Variants in ZEB2 observed in about 807,000 individuals in gnomAD.
ZEB2 encodes the protein zinc finger E-box binding homeobox 2.
In ZEB2, 6 loss-of-function variants were observed where a neutral mutation model predicts 99.9. That is an observed-to-expected ratio of 0.06 (90% confidence interval 0.03 to 0.12). ZEB2 has a LOEUF of 0.12. Among genes scored for constraint, ZEB2 ranks in the 10% least tolerant of loss-of-function variants. The pLI is 1.00. For synonymous variants in ZEB2, 517 were observed against 542.5 expected (o/e 0.95, Z 0.65); for missense variants, 969 against 1,502.8 (o/e 0.64, Z 5.87).
chr2:144,467,807 CAG>C (rs970740959), intron 2 of ZEB2, among the ~76,000 whole-genome samples: 1 of 152,138 alleles, frequency 6.6e-6, no homozygotes, highest in African/African-American at 2.4e-5. Flanking sequence ...CTGAATCACT[CAG>C]AGAATTCTGA....
At chr2:144,397,923 G>A (rs1369718977) in intron 8 of ZEB2, 6 of 347,098 alleles carry the variant, frequency 1.7e-5, no homozygotes, top group Middle Eastern at 3.8e-4. Context: ...TTACAGGCAT[G>A]AGCCATCACA....
chr2:144,420,011 A>G (rs1305205458), intron 4 of ZEB2, among the ~76,000 whole-genome samples: 2 of 152,170 alleles, frequency 1.3e-5, no homozygotes, highest in Non-Finnish European at 2.9e-5. Flanking sequence ...GAAGATACTT[A>G]GTCTCCTCCA....
At chr2:144,483,692 T>C (rs1391134075) in intron 2 of ZEB2, among the ~76,000 whole-genome samples, 1 of 152,198 alleles carries the variant, frequency 6.6e-6, no homozygotes, top group Non-Finnish European at 1.5e-5. Context: ...AATCTACTTT[T>C]GGATAATTTG....
intron 2 of ZEB2, among the ~76,000 whole-genome samples, chr2:144,483,317 C>T (rs191489469): frequency 1.2e-4 from 18 of 152,262 alleles, no homozygotes; most frequent in Admixed American, 8.5e-4. Context: ...TCAGACTCCT[C>T]ATTTGTATTA....
At chr2:144,410,713 A>G (rs544817244) in intron 4 of ZEB2, among the ~76,000 whole-genome samples, 1 of 152,248 alleles carries the variant, frequency 6.6e-6, no homozygotes, top group South Asian at 2.1e-4. Context: ...CAGGTACTCT[A>G]TTATCACTGG....
chr2:144,424,354 GT>G (rs1323100413), intron 4 of ZEB2: 3 of 518,040 alleles, frequency 5.8e-6, no homozygotes, highest in South Asian at 4.2e-5. Flanking sequence ...TGAGAGAAAT[GT>G]TCGTGGAAAT....
Position 144,487,418 on chromosome 2 carries a change from CT to C in ZEB2, c.73+29859del, listed in dbSNP as rs371856023. Among the ~76,000 whole-genome samples the C allele has an allele frequency of 7.1e-4, 107 of 151,456 alleles. 1 individual carries two copies. In the East Asian group the frequency reaches 0.018, roughly 26 times the overall value. ...GTGATTGTGGTAGATTTTTGAAAAG[CT>C]TAAAAAGATTGACACTGAATATTAA... On this transcript the variant is annotated intron_variant, in intron 2 of 9. Transcript: ENST00000627532.
chr2:144,466,135 A>G (rs1429926479), intron 2 of ZEB2, among the ~76,000 whole-genome samples: 1 of 152,206 alleles, frequency 6.6e-6, no homozygotes, highest in African/African-American at 2.4e-5. Context: ...TTAATTACCA[A>G]TTGATTTCTT....
chr2:144,407,889 T>C (rs941578642), intron 4 of ZEB2, among the ~76,000 whole-genome samples: 5 of 152,270 alleles, frequency 3.3e-5, no homozygotes, highest in Non-Finnish European at 7.3e-5. Context: ...ACTATTTGAA[T>C]GATCTGGCTA....
At chr2:144,438,782 A>G (rs1573750921) in intron 2 of ZEB2, among the ~76,000 whole-genome samples, 1 of 152,278 alleles carries the variant, frequency 6.6e-6, no homozygotes, top group South Asian at 2.1e-4. Context: ...ATTCAGGTCT[A>G]TTGGGCTAAT....
At chr2:144,430,103 T>C (rs1351961230) in intron 2 of ZEB2, 77 bp from the exon 3 acceptor site, 3 of 1,571,204 alleles carry the variant, frequency 1.9e-6, no homozygotes, top group Non-Finnish European at 2.6e-6. Flanking sequence ...TTTAGTTAAA[T>C]GGAAAATAAT....
chr2:144,516,225 C>CCG (rs1560660306), intron 2 of ZEB2: 2 of 147,192 alleles, frequency 1.4e-5, no homozygotes, highest in Admixed American at 6.7e-5. Context: ...CTCCCCCACC[C>CCG]CCCCCCGGCA....
At chr2:144,397,195 A>G (rs576252215) in intron 8 of ZEB2, among the ~76,000 whole-genome samples, 3 of 152,352 alleles carry the variant, frequency 2.0e-5, no homozygotes, top group South Asian at 4.1e-4. Context: ...TCAGTAAATT[A>G]TTAAATTTCT....
Position 144,389,320 on chromosome 2 carries a change from C to G in ZEB2, c.*131G>C. On this transcript the variant is annotated 3_prime_UTR_variant, in exon 10 of 10. Transcript: ENST00000627532. The surrounding 1 kb of genome is among the most constrained non-coding windows in gnomAD (Gnocchi z 6.8). ...TCTACATCTGTCTTGGCTGAACCGC[C>G]CCTTCTGTCCCTCTCTACAGCTTCC... 2 of 1,098,360 alleles carry G rather than the reference C, an allele frequency of 1.8e-6. No homozygotes were observed. 68.0% of individuals were successfully genotyped at this position (1,098,360 alleles called of 1,614,324 possible). A position where few individuals can be genotyped will look rare whatever the true frequency, so the allele number is the denominator to read the frequency against.
chr2:144,514,062 C>T (rs1705090518), intron 2 of ZEB2: 1 of 541,218 alleles, frequency 1.8e-6, no homozygotes, highest in South Asian at 2.7e-5. Context: ...GGAAAGGAGA[C>T]TGACTGCCCG....
Position 144,390,035 on chromosome 2 carries a change from G to GA in ZEB2, c.3068-8dup. The GA allele has an allele frequency of 6.3e-7, 1 of 1,599,632 alleles. No individual in the cohort carries two copies. Among genetic ancestry groups the GA allele is most frequent in the Non-Finnish European group, 8.5e-7 (1 of 1,179,718 alleles). ...CACTGATGTGGTCTTTTTCCTGGGA[G>GA]AAAGAACAAGATGACAGGGTGATTA... On this transcript the variant is annotated splice_polypyrimidine_tract_variant and splice_region_variant and intron_variant, in intron 9 of 9. Coordinates refer to ENST00000627532, the MANE Select transcript of ZEB2 (RefSeq NM_014795.4).
At chr2:144,395,509 T>C (rs35015447) in intron 9 of ZEB2, among the ~76,000 whole-genome samples, 22,064 of 151,572 alleles carry the variant, frequency 0.15, 1,652 homozygotes, top group South Asian at 0.17. Context: ...CTACACTTTT[T>C]CCCCCCCGAT....
At chr2:144,479,640 T>G (rs534830799) in intron 2 of ZEB2, among the ~76,000 whole-genome samples, 1 of 132,028 alleles carries the variant, frequency 7.6e-6, no homozygotes, top group Non-Finnish European at 1.6e-5. Context: ...TTTAGATGAG[T>G]GTGTTTGCCA....
intron 2 of ZEB2, chr2:144,461,385 G>T (rs1216222107): frequency 6.6e-6 from 1 of 152,124 alleles, no homozygotes; most frequent in African/African-American, 2.4e-5. Context: ...CCCTTCCTAC[G>T]CTAGCTATTA....
Sources: gnomAD v4.1 joint callset for allele counts (sites outside exome capture counted in the v4.1 genomes callset) on GRCh38, gnomAD v4.1.1 for gene constraint, Gnocchi (gnomAD v3.1) non-coding constraint, MANE v1.5 for transcripts, NCBI Gene and HGNC (gene_info 2026-07-23, HGNC 2026-07-21) for gene names.